EIF2S1: variants seen among roughly 807,000 people sequenced by gnomAD.
EIF2S1 encodes eukaryotic translation initiation factor 2 subunit alpha, also known as eukaryotic translation initiation factor 2 subunit 1.
EIF2S1 carries 5 observed loss-of-function variants against 33.5 expected under a neutral mutation model. That is an observed-to-expected ratio of 0.15 (90% confidence interval 0.08 to 0.31). EIF2S1 has a LOEUF of 0.31. Among genes scored for constraint, EIF2S1 ranks in the 10% least tolerant of loss-of-function variants. The probability of loss-of-function intolerance (pLI) is 1.00; values close to 1 mark genes in which losing one functional copy is unlikely to be tolerated. For missense variants in EIF2S1, 191 were observed against 384.6 expected, an observed-to-expected ratio of 0.50 and a Z score of 4.21; for synonymous variants, 99 against 127.5, an observed-to-expected ratio of 0.78 and a Z score of 1.51.
chr14:67,375,221 C>T (rs919477842), intron 3 of EIF2S1, among the ~76,000 whole-genome samples: 5 of 147,830 alleles, frequency 3.4e-5, no homozygotes, highest in African/African-American at 1.3e-4. Flanking sequence ...TCATCCTCTA[C>T]ATCCTCAGTT....
intron 1 of EIF2S1, among the ~76,000 whole-genome samples, chr14:67,363,311 A>G (rs1321335810): frequency 1.3e-5 from 2 of 151,588 alleles, no homozygotes; most frequent in African/African-American, 4.8e-5. Context: ...CTAAATCCCT[A>G]TTTTGTAGGG....
intron 2 of EIF2S1, among the ~76,000 whole-genome samples, chr14:67,371,722 G>C (rs1409195161): frequency 6.6e-6 from 1 of 152,160 alleles, no homozygotes; most frequent in African/African-American, 2.4e-5. Context: ...TAACAGCACT[G>C]CTGCTATATA....
chr14:67,361,032 ATTACTG>A (rs1455747304), intron 1 of EIF2S1, among the ~76,000 whole-genome samples: 2 of 152,308 alleles, frequency 1.3e-5, no homozygotes, highest in Admixed American at 6.5e-5. Context: ...ACTTGAGTTT[ATTACTG>A]TTACTATCAG....
rs142768737 is a variant in EIF2S1, at chr14:67,377,414, G to A, written c.473+824G>A. Among the ~76,000 whole-genome samples, 354 of 152,196 alleles carry A rather than the reference G, an allele frequency of 2.3e-3. 2 individuals carry two copies. The highest frequency in any genetic ancestry group is 8.2e-3 in the African/African-American group (339 of 41,510). On this transcript the variant is annotated intron_variant, in intron 4 of 7. Coordinates refer to ENST00000256383, the MANE Select transcript of EIF2S1 (RefSeq NM_004094.5). ...AGTGGCTATTTTAGAGCTTTTCCAC[G>A]TTCTTCCTCAGAAAACCACTCTATC...
intron 6 of EIF2S1, 99 bp from the exon 7 acceptor site, chr14:67,382,348 T>C (rs535561726): frequency 1.1e-5 from 12 of 1,128,914 alleles, no homozygotes; most frequent in African/African-American, 8.0e-5. Context: ...CGTTTTGGGG[T>C]GATTTGTTAA....
At chr14:67,380,579 C>A in intron 4 of EIF2S1, 80 bp from the exon 5 acceptor site, 2 of 633,272 alleles carry the variant, frequency 3.2e-6, no homozygotes, top group African/African-American at 1.9e-5. Flanking sequence ...CTATTATATG[C>A]ATTGTTCCAT....
chr14:67,376,211 A>G (rs1398928438), intron 3 of EIF2S1, among the ~76,000 whole-genome samples: 4 of 152,194 alleles, frequency 2.6e-5, no homozygotes, highest in Non-Finnish European at 5.9e-5. Context: ...CAGAGGAGGA[A>G]ACAAGTTCAG....
At chr14:67,367,732 C>T (rs772500997) in intron 2 of EIF2S1, among the ~76,000 whole-genome samples, 6 of 151,574 alleles carry the variant, frequency 4.0e-5, no homozygotes, top group Non-Finnish European at 5.9e-5. Context: ...GCTTCTCGGG[C>T]GGCTGAGGTA....
rs371960391 is a variant in EIF2S1, at chr14:67,376,419, G to A, written c.322-20G>A. 8 of 1,567,254 alleles carry A rather than the reference G, an allele frequency of 5.1e-6. No individual in the cohort carries two copies. The highest frequency in any genetic ancestry group is 6.9e-6 in the Non-Finnish European group (8 of 1,154,968). ...AAATCTCTTATCTTTGAATTGTTGA[G>A]CTTTTCATTTTATTTCTAGGTTTAT... On this transcript the variant is annotated intron_variant, in intron 3 of 7. Coordinates refer to ENST00000256383, the MANE Select transcript of EIF2S1 (RefSeq NM_004094.5).
rs1316674264 is a variant in EIF2S1 at position 67,386,142 on chromosome 14, C to T, written c.*2702C>T. 6.6e-6 allele frequency: 1 copy of T among 152,534 alleles called. No homozygotes were observed. The highest frequency in any genetic ancestry group is 1.5e-5 in the Non-Finnish European group (1 of 68,042). 9.4% of individuals were successfully genotyped at this position (152,534 alleles called of 1,614,324 possible). On this transcript the variant is annotated 3_prime_UTR_variant, in exon 8 of 8. Coordinates refer to ENST00000256383, the MANE Select transcript of EIF2S1 (RefSeq NM_004094.5). ...AAACGTAGTTTAATTCAGATGAACA[C>T]CTATCGATATTCAAAAGGCAAAACA...
At chr14:67,374,439 G>C in intron 2 of EIF2S1, 29 bp from the exon 3 acceptor site, 1 of 1,481,194 alleles carries the variant, frequency 6.8e-7, no homozygotes, top group Non-Finnish European at 9.3e-7. Flanking sequence ...TCTGGACAGA[G>C]ATGATTTTTT....
intron 4 of EIF2S1, among the ~76,000 whole-genome samples, chr14:67,377,800 G>A (rs950529474): frequency 2.6e-5 from 4 of 151,888 alleles, no homozygotes; most frequent in South Asian, 2.1e-4. Context: ...CAAACACTGC[G>A]TCCTCTGCTT....
chr14:67,364,332 A>G (rs1171952612), intron 1 of EIF2S1: 1 of 152,988 alleles, frequency 6.5e-6, no homozygotes, highest in Non-Finnish European at 1.5e-5. Flanking sequence ...TTTCCTTTAT[A>G]TAGTGAGTGG....
At chr14:67,371,431 A>AG (rs1001361369) in intron 2 of EIF2S1, among the ~76,000 whole-genome samples, 3 of 152,188 alleles carry the variant, frequency 2.0e-5, no homozygotes, top group African/African-American at 7.2e-5. Context: ...CCAAAAAAAA[A>AG]AAAGTTAAGG....
intron 2 of EIF2S1, among the ~76,000 whole-genome samples, chr14:67,366,181 C>G (rs936453287): frequency 7.9e-5 from 12 of 151,252 alleles, no homozygotes; most frequent in Non-Finnish European, 2.9e-5. Flanking sequence ...CTCCTGTGTT[C>G]AAGTGTTCCT....
intron 3 of EIF2S1, among the ~76,000 whole-genome samples, chr14:67,375,282 GTC>G (rs2085851138): frequency 2.2e-5 from 3 of 135,238 alleles, no homozygotes; most frequent in South Asian, 4.8e-4. Flanking sequence ...GTGTGTGTGT[GTC>G]ACAAAGTCTT....
intron 2 of EIF2S1, among the ~76,000 whole-genome samples, chr14:67,367,445 G>A (rs2141131195): frequency 6.6e-6 from 1 of 150,820 alleles, no homozygotes; most frequent in South Asian, 2.1e-4. Context: ...TGGCCAGAAT[G>A]GTCTTGATCT....
At chr14:67,361,419 T>TA (rs1451549883) in intron 1 of EIF2S1, among the ~76,000 whole-genome samples, 1 of 152,246 alleles carries the variant, frequency 6.6e-6, no homozygotes, top group Non-Finnish European at 1.5e-5. Context: ...GATTCGGTGA[T>TA]AACTTTCTTT....
At chr14:67,375,121 C>T (rs771837279) in intron 3 of EIF2S1, among the ~76,000 whole-genome samples, 1 of 152,144 alleles carries the variant, frequency 6.6e-6, no homozygotes, top group Non-Finnish European at 1.5e-5. Flanking sequence ...TCCTGCTTGT[C>T]ATCCACAGTA....
Sources: allele counts gnomAD v4.1 joint callset (sites outside exome capture counted in the v4.1 genomes callset), GRCh38; gene constraint gnomAD v4.1.1; transcripts MANE v1.5; gene names NCBI Gene and HGNC (gene_info 2026-07-23, HGNC 2026-07-21).